The following SLC39A14 variants were observed in gnomAD, a reference collection of about 807,000 sequenced individuals.
SLC39A14 encodes solute carrier family 39 member 14, also known as metal cation symporter ZIP14.
SLC39A14 carries 19 observed loss-of-function variants against 45.5 expected under a neutral mutation model. The ratio of observed to expected loss-of-function variants is 0.42; its 90% CI spans 0.29 to 0.61. The LOEUF is 0.61. Ranked by LOEUF, SLC39A14 falls within the 20% of genes least tolerant of loss-of-function variation. SLC39A14 has a pLI of 0.22. For missense variants in SLC39A14, 447 were observed against 616.5 expected (o/e 0.73, Z 2.91); for synonymous variants, 264 against 251.3 (o/e 1.05, Z -0.48).
chr8:22,420,076 C>G lies in SLC39A14; in HGVS notation c.*378C>G. The G allele has an allele frequency of 4.0e-6, 4 of 998,644 alleles. No individual in the cohort carries two copies. Among genetic ancestry groups the G allele is most frequent in the Non-Finnish European group, 4.8e-6 (4 of 838,542 alleles). The allele number at this position is 998,644 out of a possible 1,614,324, so 61.9% of individuals were successfully genotyped here. On this transcript the variant is annotated 3_prime_UTR_variant, in exon 9 of 9. Transcript: ENST00000381237. The stretch of plus-strand genomic sequence containing the variant: ...GCAAAAATAGAGCCAATGGTTATAA[C>G]TTGGCTAGAAATATCAAGAGTTGAA...
chr8:22,426,432 A>T (rs1471353597), downstream of SLC39A14, among the ~76,000 whole-genome samples: 1 of 151,994 alleles, frequency 6.6e-6, no homozygotes, highest in African/African-American at 2.4e-5. Context: ...GGCTCAAGCA[A>T]TCCTCCTGAC....
In SLC39A14 at chr8:22,367,868, A is replaced by G. The variant is rs1239355204; in HGVS notation, c.-16+460A>G. 1.3e-5 allele frequency: 2 copies of G among 152,558 alleles called. No individual in the cohort carries two copies. Among genetic ancestry groups the G allele is most frequent in the Admixed American group, 6.5e-5 (1 of 15,284 alleles). The allele number at this position is 152,558 out of a possible 1,614,324, so 9.5% of individuals were successfully genotyped here. A position where few individuals can be genotyped will look rare whatever the true frequency, so the allele number is the denominator to read the frequency against. On this transcript the variant is annotated intron_variant, in intron 1 of 8. Transcript: ENST00000381237. The surrounding 1 kb of genome is among the most constrained non-coding windows in gnomAD (Gnocchi z 4.2). ...TCCCCTCTGAAGGTACATGTACCCA[A>G]TCTTCCGGCTGAGCGAATCTCCAAC... is the stretch of plus-strand genomic sequence containing the variant.
intron 7 of SLC39A14, 152 bp downstream of exon 7, chr8:22,416,432 C>A (rs1190796715): frequency 2.9e-6 from 2 of 692,714 alleles, no homozygotes; most frequent in Admixed American, 2.7e-5. Context: ...ACCCTAATCA[C>A]CTTTTTTTTG....
intron 7 of SLC39A14, 130 bp from the exon 8 acceptor site, chr8:22,417,521 T>C: frequency 1.3e-6 from 1 of 768,776 alleles, no homozygotes; most frequent in East Asian, 2.5e-5. Flanking sequence ...CCAGGCTGGA[T>C]TCAAACTCCT....
In SLC39A14 at chr8:22,421,235, C is replaced by T. The variant is rs1836211023; in HGVS notation, c.*1537C>T. ...CAGGAGTACTGGTTCACTACCAATG[C>T]CTGAGCTTTTCTCTTACATAGAAAA... On this transcript the variant is annotated 3_prime_UTR_variant, in exon 9 of 9. Coordinates refer to ENST00000381237, the MANE Select transcript of SLC39A14 (RefSeq NM_001128431.4). 3 of 985,706 alleles carry T rather than the reference C, an allele frequency of 3.0e-6. No homozygotes were observed. Among genetic ancestry groups the T allele is most frequent in the South Asian group, 4.7e-5 (1 of 21,296 alleles). 61.1% of individuals were successfully genotyped at this position (985,706 alleles called of 1,614,324 possible).
At chr8:22,371,367 T>TA (rs928843309) in intron 1 of SLC39A14, among the ~76,000 whole-genome samples, 286 of 131,038 alleles carry the variant, frequency 2.2e-3, no homozygotes, top group African/African-American at 6.9e-3. Flanking sequence ...TAGTAGTTAA[T>TA]AAAAAAAATC....
chr8:22,394,442 C>T (rs961222087), intron 1 of SLC39A14, among the ~76,000 whole-genome samples: 11 of 151,828 alleles, frequency 7.2e-5, no homozygotes, highest in African/African-American at 2.7e-4. Context: ...GCCTCAACCT[C>T]CCAAGTAGCT....
At chr8:22,417,075 G>A (rs1175790456) in intron 7 of SLC39A14, among the ~76,000 whole-genome samples, 1 of 152,320 alleles carries the variant, frequency 6.6e-6, no homozygotes, top group Non-Finnish European at 1.5e-5. Flanking sequence ...TAAAAAGCTA[G>A]TAATTACTCC....
In SLC39A14 at chr8:22,420,576, G is replaced by T. The variant is rs1455594192; in HGVS notation, c.*878G>T. The stretch of plus-strand genomic sequence containing the variant: ...GCTGCCTCCTAGAAGCACATTCTGA[G>T]CACATTTGAGACCTCTGTGTTAGAG... On this transcript the variant is annotated 3_prime_UTR_variant, in exon 9 of 9. Coordinates refer to ENST00000381237, the MANE Select transcript of SLC39A14 (RefSeq NM_001128431.4). 2 of 985,256 alleles carry T rather than the reference G, an allele frequency of 2.0e-6. No individual in the cohort carries two copies. Among genetic ancestry groups the T allele is most frequent in the Non-Finnish European group, 2.4e-6 (2 of 829,934 alleles). 61.0% of individuals were successfully genotyped at this position (985,256 alleles called of 1,614,324 possible).
At chr8:22,384,469 C>T (rs967617614) in intron 1 of SLC39A14, among the ~76,000 whole-genome samples, 12 of 151,696 alleles carry the variant, frequency 7.9e-5, no homozygotes, top group Admixed American at 2.6e-4. Flanking sequence ...ACAACTCTGG[C>T]GGGCGCGGTG....
At chr8:22,431,354 T>G (rs1255190581) in intron 8 of SLC39A14, among the ~76,000 whole-genome samples, 1 of 152,220 alleles carries the variant, frequency 6.6e-6, no homozygotes, top group Non-Finnish European at 1.5e-5. Context: ...TGTGTAGCTA[T>G]TTTAGAAATG....
intron 7 of SLC39A14, 52 bp downstream of exon 7, chr8:22,416,332 CCCCCTT>C (rs751195337): frequency 6.6e-7 from 1 of 1,511,226 alleles, no homozygotes; most frequent in African/African-American, 1.4e-5. Context: ...GTGGTGTAGG[CCCCCTT>C]CCTGTGGCCG....
chr8:22,427,364 G>C (rs1386799031), downstream of SLC39A14, among the ~76,000 whole-genome samples: 1 of 152,128 alleles, frequency 6.6e-6, no homozygotes, highest in East Asian at 1.9e-4. Context: ...CAAAATCAAA[G>C]AATGACCCAA....
At chr8:22,389,238 A>C (rs1042314476) in intron 1 of SLC39A14, among the ~76,000 whole-genome samples, 1 of 152,170 alleles carries the variant, frequency 6.6e-6, no homozygotes, top group African/African-American at 2.4e-5. Flanking sequence ...TATGGGGGGA[A>C]GTGCTAAGAG....
At chr8:22,419,493 C>T in intron 8 of SLC39A14, 59 bp from the exon 9 acceptor site, 1 of 1,525,674 alleles carries the variant, frequency 6.6e-7, no homozygotes, top group Non-Finnish European at 9.0e-7. Flanking sequence ...ACTGAATTGC[C>T]CTGGACTTAC....
At chr8:22,370,102 C>G (rs1832846530) in intron 1 of SLC39A14, among the ~76,000 whole-genome samples, 1 of 152,090 alleles carries the variant, frequency 6.6e-6, no homozygotes, top group South Asian at 2.1e-4. Flanking sequence ...TGATGGTAGC[C>G]AGGAAGGAGT....
Position 22,422,585 on chromosome 8 carries a change from T to G in SLC39A14, c.*2887T>G, listed in dbSNP as rs1836290931. On this transcript the variant is annotated 3_prime_UTR_variant, in exon 9 of 9. Transcript: ENST00000381237. ...ACAGTATTTTTTTAAATAACTCAGGTGTATGAGAAGAAATTAGAAAAGAAA... is the reference window on the plus strand; with the variant it reads ...ACAGTATTTTTTTAAATAACTCAGGGGTATGAGAAGAAATTAGAAAAGAAA... The G allele has an allele frequency of 1.0e-6, 1 of 984,332 alleles. No individual in the cohort carries two copies. Among genetic ancestry groups the G allele is most frequent in the Non-Finnish European group, 1.2e-6 (1 of 828,772 alleles). The allele number at this position is 984,332 out of a possible 1,614,324, so 61.0% of individuals were successfully genotyped here. A position where few individuals can be genotyped will look rare whatever the true frequency, so the allele number is the denominator to read the frequency against.
At position 22,367,744 on chromosome 8, in the gene SLC39A14, G is replaced by A. The variant is rs1832715218; in HGVS notation, c.-16+336G>A. 6.6e-6 allele frequency: 1 copy of A among 152,358 alleles called. No individual in the cohort carries two copies. The highest frequency in any genetic ancestry group is 6.5e-5 in the Admixed American group (1 of 15,290). 9.4% of individuals were successfully genotyped at this position (152,358 alleles called of 1,614,324 possible). A position where few individuals can be genotyped will look rare whatever the true frequency, so the allele number is the denominator to read the frequency against. ...CGGACGCAGAACGCAGACAGTAGGT[G>A]GCCAATCCGAGGGGCGGCTCTTGGG... is the stretch of plus-strand genomic sequence containing the variant. On this transcript the variant is annotated intron_variant, in intron 1 of 8. Coordinates refer to ENST00000381237, the MANE Select transcript of SLC39A14 (RefSeq NM_001128431.4). The surrounding 1 kb of genome is among the most constrained non-coding windows in gnomAD (Gnocchi z 4.2).
intron 1 of SLC39A14, among the ~76,000 whole-genome samples, chr8:22,397,874 G>C (rs1586697065): frequency 6.6e-6 from 1 of 152,298 alleles, no homozygotes; most frequent in East Asian, 1.9e-4. Flanking sequence ...GAAATGAGCT[G>C]TTTTCCTGGG....
Sources: gnomAD v4.1 joint callset for allele counts (sites outside exome capture counted in the v4.1 genomes callset) on GRCh38, gnomAD v4.1.1 for gene constraint, Gnocchi (gnomAD v3.1) non-coding constraint, MANE v1.5 for transcripts, NCBI Gene and HGNC (gene_info 2026-07-23, HGNC 2026-07-21) for gene names.